The following TMEM38B variants were observed in gnomAD, a reference collection of about 807,000 sequenced individuals.
TMEM38B encodes the protein trimeric intracellular cation channel type B.
Under a neutral mutation model 28.7 loss-of-function variants are expected in TMEM38B, and 24 were observed. That is an observed-to-expected ratio of 0.84 (90% CI 0.61 to 1.18). TMEM38B has a LOEUF of 1.18. Ranked by LOEUF, TMEM38B falls within the 50% of genes most tolerant of loss-of-function variation. The pLI, the probability that TMEM38B is intolerant of heterozygous loss-of-function variation, is 0.00. For missense variants in TMEM38B, 380 were observed against 350.9 expected (o/e 1.08, Z -0.66); for synonymous variants, 131 against 127.7 (o/e 1.03, Z -0.17).
In TMEM38B at chr9:105,775,095, T is replaced by C. The variant is rs1181017183; in HGVS notation, c.*1015T>C. The C allele has an allele frequency of 6.6e-6, 1 of 152,134 alleles. No individual in the cohort carries two copies. Among genetic ancestry groups the C allele is most frequent in the Admixed American group, 6.6e-5 (1 of 15,266 alleles). 9.4% of individuals were successfully genotyped at this position (152,134 alleles called of 1,614,324 possible). A position where few individuals can be genotyped will look rare whatever the true frequency, so the allele number is the denominator to read the frequency against. ...TGAATATCTCTGACAAGCTTTCGTA[T>C]GGTTTTGTTATATTTTCATCTACAT... On this transcript the variant is annotated 3_prime_UTR_variant, in exon 6 of 6. Transcript: ENST00000374692.
At chr9:105,699,364 A>T (rs1835388176) in intron 1 of TMEM38B, among the ~76,000 whole-genome samples, 2 of 152,144 alleles carry the variant, frequency 1.3e-5, no homozygotes, top group Non-Finnish European at 2.9e-5. Flanking sequence ...AGTAAACTGT[A>T]ATTCTCATAT....
intron 4 of TMEM38B, among the ~76,000 whole-genome samples, chr9:105,733,503 C>A (rs1411415223): frequency 6.7e-6 from 1 of 149,356 alleles, no homozygotes; most frequent in East Asian, 2.0e-4. Flanking sequence ...GGCATATTCC[C>A]TCTAGCTGTG....
intron 4 of TMEM38B, among the ~76,000 whole-genome samples, chr9:105,741,962 G>A (rs1316443190): frequency 6.6e-6 from 1 of 152,170 alleles, no homozygotes; most frequent in Non-Finnish European, 1.5e-5. Flanking sequence ...CAGAAGCCAG[G>A]GATAGAGAGG....
At chr9:105,724,356 T>A (rs1836430654) in intron 4 of TMEM38B, among the ~76,000 whole-genome samples, 2 of 151,248 alleles carry the variant, frequency 1.3e-5, no homozygotes, top group Non-Finnish European at 2.9e-5. Flanking sequence ...AGGTTGAGGC[T>A]GGGCACGGTG....
chr9:105,759,756 T>G lies in TMEM38B; in HGVS notation c.660+11566T>G. On this transcript the variant is annotated intron_variant, in intron 5 of 5. Transcript: ENST00000374692. ...AGGAAAATATTCAAAAGCCATTCCG[T>G]GCTGGTTTTAAGAGAACCACTACTT... 3 of 1,607,812 alleles carry G rather than the reference T, an allele frequency of 1.9e-6. No homozygotes were observed. The South Asian group carries it at 3.3e-5, about 18-fold the overall frequency.
intron 2 of TMEM38B, among the ~76,000 whole-genome samples, chr9:105,708,493 G>C (rs898520975): frequency 6.6e-6 from 1 of 152,116 alleles, no homozygotes; most frequent in Non-Finnish European, 1.5e-5. Context: ...CATGTGCTCA[G>C]TAATTTCTTA....
intron 4 of TMEM38B, among the ~76,000 whole-genome samples, chr9:105,730,971 T>C (rs1836718471): frequency 6.6e-6 from 1 of 152,180 alleles, no homozygotes; most frequent in Admixed American, 6.5e-5. Context: ...TCTTTATTAG[T>C]CTTGCTAGCC....
intron 5 of TMEM38B, among the ~76,000 whole-genome samples, chr9:105,771,610 T>C (rs1384513860): frequency 6.6e-6 from 1 of 152,236 alleles, no homozygotes; most frequent in Non-Finnish European, 1.5e-5. Flanking sequence ...AGTCAAGCTA[T>C]GACCAAGGTA....
intron 5 of TMEM38B, among the ~76,000 whole-genome samples, chr9:105,758,002 C>T (rs544581928): frequency 3.9e-5 from 6 of 152,320 alleles, no homozygotes; most frequent in East Asian, 1.9e-4. Context: ...AGGTATGGTA[C>T]GGGGCACAAC....
chr9:105,706,688 C>A lies in TMEM38B; in HGVS notation c.269+935C>A, dbSNP rs558357142. 5.3e-5 allele frequency among the ~76,000 whole-genome samples: 8 copies of A among 150,466 alleles called. No homozygotes were observed. In the South Asian group the frequency reaches 1.7e-3, roughly 32 times the overall value. On this transcript the variant is annotated intron_variant, in intron 2 of 5. Transcript: ENST00000374692. ...TAACAATAAAGGAATTTGTCTTTCT[C>A]TCTCTTTTTTTTTTCCTTAACCTTG... is the stretch of plus-strand genomic sequence containing the variant.
intron 5 of TMEM38B, chr9:105,760,647 A>T (rs1838007918): frequency 4.5e-6 from 4 of 895,080 alleles, no homozygotes; most frequent in Non-Finnish European, 7.6e-6. Flanking sequence ...TATATCAGAA[A>T]AGATTTCCAA....
At position 105,774,038 on chromosome 9, in the gene TMEM38B, C is replaced by T. The variant is rs745484767; in HGVS notation, c.834C>T (p.Ala278=). The T allele has an allele frequency of 4.3e-6, 7 of 1,613,592 alleles. No homozygotes were observed. Among genetic ancestry groups the T allele is most frequent in the East Asian group, 2.2e-5 (1 of 44,868 alleles). The change falls in exon 6 of 6, where the codon GCC becomes GCT. Residue 278 remains alanine, a synonymous_variant. Coordinates refer to ENST00000374692, the MANE Select transcript of TMEM38B (RefSeq NM_018112.3). ...GSLASKPVDV[A]SDNVKKKHTK... ...TGGCCTCAAAGCCGGTAGATGTTGC[C>T]TCAGATAATGTTAAAAAGAAACATA...
chr9:105,737,451 A>C (rs1313071320), intron 4 of TMEM38B, among the ~76,000 whole-genome samples: 1 of 152,168 alleles, frequency 6.6e-6, no homozygotes, highest in Non-Finnish European at 1.5e-5. Flanking sequence ...GCAGAGGCCC[A>C]AGTTTTGTCA....
chr9:105,729,578 C>T (rs1292431946), intron 4 of TMEM38B, among the ~76,000 whole-genome samples: 1 of 151,958 alleles, frequency 6.6e-6, no homozygotes. Context: ...TTTTTTGTTT[C>T]CATATAAACT....
In TMEM38B at chr9:105,694,550, G is replaced by C; in HGVS notation, c.-111G>C. The C allele has an allele frequency of 1.4e-6, 1 of 697,206 alleles. No homozygotes were observed. The allele number at this position is 697,206 out of a possible 1,614,324, so 43.2% of individuals were successfully genotyped here. A position where few individuals can be genotyped will look rare whatever the true frequency, so the allele number is the denominator to read the frequency against. On this transcript the variant is annotated 5_prime_UTR_variant, in exon 1 of 6. Coordinates refer to ENST00000374692, the MANE Select transcript of TMEM38B (RefSeq NM_018112.3). ...GCCAGGGCGCACGCGCGGAGCTGGA[G>C]CCGGCGCGGAGGAGCGGGCGGCCGC...
intron 4 of TMEM38B, among the ~76,000 whole-genome samples, chr9:105,725,246 CTT>C (rs1389393043): frequency 1.3e-5 from 2 of 151,694 alleles, no homozygotes; most frequent in Non-Finnish European, 2.9e-5. Flanking sequence ...ATGTAATTTA[CTT>C]AATCATTATG....
chr9:105,715,335 G>C (rs1836056463), intron 2 of TMEM38B, among the ~76,000 whole-genome samples: 1 of 151,250 alleles, frequency 6.6e-6, no homozygotes, highest in Non-Finnish European at 1.5e-5. Context: ...TTTTTTTCTA[G>C]ATCCCTAAAG....
intron 5 of TMEM38B, among the ~76,000 whole-genome samples, chr9:105,752,990 C>T (rs963405646): frequency 7.2e-5 from 11 of 152,150 alleles, no homozygotes; most frequent in African/African-American, 2.7e-4. Flanking sequence ...CCTGATGGAA[C>T]TGGAAAACAC....
chr9:105,750,836 A>G (rs1041365212), intron 5 of TMEM38B, among the ~76,000 whole-genome samples: 1 of 152,216 alleles, frequency 6.6e-6, no homozygotes, highest in Non-Finnish European at 1.5e-5. Flanking sequence ...TATGACGAAC[A>G]GTCCAAGTTT....
Sources: gnomAD v4.1 joint callset for allele counts (sites outside exome capture counted in the v4.1 genomes callset) on GRCh38, gnomAD v4.1.1 for gene constraint, MANE v1.5 for transcripts, NCBI Gene and HGNC (gene_info 2026-07-23, HGNC 2026-07-21) for gene names.